The following RSBN1L variants were observed in gnomAD, a reference collection of about 807,000 sequenced individuals.
RSBN1L encodes round spermatid basic protein 1 like.
RSBN1L carries 30 observed loss-of-function variants against 67.7 expected under a neutral mutation model. The observed-to-expected ratio is 0.44, with a 90% confidence interval of 0.33 to 0.60. RSBN1L has a LOEUF of 0.60. Among genes scored for constraint, RSBN1L ranks in the 20% least tolerant of loss-of-function variants. The pLI, the probability that RSBN1L is intolerant of heterozygous loss-of-function variation, is 0.02. For missense variants in RSBN1L, 992 were observed against 1,031.7 expected (o/e 0.96, Z 0.53); for synonymous variants, 433 against 387.0 (o/e 1.12, Z -1.39).
At chr7:77,706,120 A>AT (rs1790888214) in intron 1 of RSBN1L, among the ~76,000 whole-genome samples, 1 of 149,900 alleles carries the variant, frequency 6.7e-6, no homozygotes, top group African/African-American at 2.5e-5. Context: ...TTTGTCGCCC[A>AT]TGGTGGAGTG....
At chr7:77,744,466 C>A (rs569899394) in intron 2 of RSBN1L, among the ~76,000 whole-genome samples, 2 of 152,216 alleles carry the variant, frequency 1.3e-5, no homozygotes, top group East Asian at 3.9e-4. Flanking sequence ...TGTGTCTTAG[C>A]TGCTTAGAGA....
At chr7:77,756,612 T>TA (rs566014788) in intron 3 of RSBN1L, among the ~76,000 whole-genome samples, 67 of 151,524 alleles carry the variant, frequency 4.4e-4, no homozygotes, top group African/African-American at 6.0e-4. Flanking sequence ...CCGTTTCTAA[T>TA]AAAAAAAATA....
intron 1 of RSBN1L, among the ~76,000 whole-genome samples, chr7:77,702,881 A>G (rs1396004283): frequency 6.6e-6 from 1 of 152,038 alleles, no homozygotes; most frequent in African/African-American, 2.4e-5. Context: ...TTATAAAGCT[A>G]CCAATTTTAT....
chr7:77,752,687 T>TA (rs1259210147), intron 3 of RSBN1L, among the ~76,000 whole-genome samples: 1 of 152,218 alleles, frequency 6.6e-6, no homozygotes, highest in Non-Finnish European at 1.5e-5. Flanking sequence ...ATACATATTA[T>TA]AAATGTATAA....
At chr7:77,703,087 G>A (rs77513481) in intron 1 of RSBN1L, among the ~76,000 whole-genome samples, 2,942 of 152,228 alleles carry the variant, frequency 0.019, 84 homozygotes, top group African/African-American at 0.066. Flanking sequence ...GGGGAAGAAA[G>A]CTACAAGTCT....
intron 6 of RSBN1L, among the ~76,000 whole-genome samples, chr7:77,775,276 A>AGTAATCCCAGGTGCGGTGGCTCACAACT (rs1352798892): frequency 6.6e-6 from 1 of 152,092 alleles, no homozygotes; most frequent in African/African-American, 2.4e-5. Flanking sequence ...GGCTCATGCT[A>AGTAATCCCAGGTGCGGTGGCTCACAACT]GTAATCCCAG....
In RSBN1L at chr7:77,780,460, A is replaced by T. The variant is rs1244431384; in HGVS notation, c.*1292A>T. The T allele has an allele frequency of 1.3e-5, 2 of 152,144 alleles. No individual in the cohort carries two copies. Among genetic ancestry groups the T allele is most frequent in the Non-Finnish European group, 2.9e-5 (2 of 68,016 alleles). The allele number at this position is 152,144 out of a possible 1,614,324, so 9.4% of individuals were successfully genotyped here. On this transcript the variant is annotated 3_prime_UTR_variant, in exon 8 of 8. Transcript: ENST00000334955. ...ATAGATTTTTTTTATTGTGTATGGGATGATAAGAAGTTTAGAGAATTTTCT... is the reference window on the plus strand; with the variant it reads ...ATAGATTTTTTTTATTGTGTATGGGTTGATAAGAAGTTTAGAGAATTTTCT...
At chr7:77,767,033 T>TTTCCCCTTCCCTTCCCCTTCCCCTTCCCC (rs1791775332) in intron 4 of RSBN1L, among the ~76,000 whole-genome samples, 1 of 125,360 alleles carries the variant, frequency 8.0e-6, no homozygotes, top group African/African-American at 3.1e-5. Context: ...TCCCCTTCCC[T>TTTCCCCTTCCCTTCCCCTTCCCCTTCCCC]TTCCCCTTCC....
chr7:77,706,184 C>T (rs1790889320), intron 1 of RSBN1L, among the ~76,000 whole-genome samples: 2 of 151,670 alleles, frequency 1.3e-5, no homozygotes, highest in African/African-American at 4.8e-5. Context: ...TCAAGCGATT[C>T]TCCTGCCTCG....
chr7:77,742,814 G>T (rs190883419), intron 2 of RSBN1L, among the ~76,000 whole-genome samples: 66 of 152,268 alleles, frequency 4.3e-4, no homozygotes, highest in Non-Finnish European at 8.4e-4. Context: ...CTGCACCCTG[G>T]GCGACAGAGT....
intron 1 of RSBN1L, among the ~76,000 whole-genome samples, chr7:77,707,234 G>T (rs1046873121): frequency 2.0e-5 from 3 of 152,074 alleles, no homozygotes; most frequent in Non-Finnish European, 4.4e-5. Flanking sequence ...ATGTTGACCA[G>T]ACTGGTCTTG....
intron 2 of RSBN1L, among the ~76,000 whole-genome samples, chr7:77,747,109 C>T (rs1791494605): frequency 6.6e-6 from 1 of 152,174 alleles, no homozygotes; most frequent in Non-Finnish European, 1.5e-5. Flanking sequence ...CTGCAGTACC[C>T]TGGTGGAGAC....
rs1336965192 is a variant in RSBN1L at position 77,779,218 on chromosome 7, A to G, written c.*50A>G. 1 of 1,291,312 alleles carries G rather than the reference A, an allele frequency of 7.7e-7. No homozygotes were observed. The highest frequency in any genetic ancestry group is 1.1e-6 in the Non-Finnish European group (1 of 941,292). 80.0% of individuals were successfully genotyped at this position (1,291,312 alleles called of 1,614,324 possible). On this transcript the variant is annotated 3_prime_UTR_variant, in exon 8 of 8. Coordinates refer to ENST00000334955, the MANE Select transcript of RSBN1L (RefSeq NM_198467.3). ...TTTTTTAAAAAAATTTAATGTAATA[A>G]AGATTCATGAATTCTGAAAGCAAGC...
intron 3 of RSBN1L, 140 bp from the exon 4 acceptor site, chr7:77,765,355 T>C: frequency 1.5e-6 from 1 of 664,842 alleles, no homozygotes; most frequent in South Asian, 4.4e-5. Context: ...CTTGCCTCAT[T>C]ATGATATAAT....
intron 1 of RSBN1L, 22 bp downstream of exon 1, chr7:77,697,077 G>A (rs769064723): frequency 4.5e-5 from 62 of 1,378,612 alleles, no homozygotes; most frequent in Middle Eastern, 2.7e-4. Context: ...GCGGGGAGGG[G>A]GAGGGGAGGG....
At chr7:77,738,747 AG>A (rs1233472379) in intron 2 of RSBN1L, among the ~76,000 whole-genome samples, 1 of 152,176 alleles carries the variant, frequency 6.6e-6, no homozygotes, top group Non-Finnish European at 1.5e-5. Flanking sequence ...CAAGAGTTCA[AG>A]ACCAGCCTGG....
rs995980188 is a variant in RSBN1L, at chr7:77,780,004, G to C, written c.*836G>C. 3 of 151,752 alleles carry C rather than the reference G, an allele frequency of 2.0e-5. No individual in the cohort carries two copies. Among genetic ancestry groups the C allele is most frequent in the Admixed American group, 6.6e-5 (1 of 15,204 alleles). The allele number at this position is 151,752 out of a possible 1,614,324, so 9.4% of individuals were successfully genotyped here. On this transcript the variant is annotated 3_prime_UTR_variant, in exon 8 of 8. Coordinates refer to ENST00000334955, the MANE Select transcript of RSBN1L (RefSeq NM_198467.3). ...GCACCACAACACCCAGCTAATTTTT[G>C]TATTTTTAGTAGAGATGGGGTTTCA...
chr7:77,702,817 G>A (rs915245364), intron 1 of RSBN1L, among the ~76,000 whole-genome samples: 2 of 152,268 alleles, frequency 1.3e-5, no homozygotes, highest in South Asian at 2.1e-4. Context: ...CCTTCTTCCT[G>A]TGTGCTCACA....
chr7:77,778,908 A>G lies in RSBN1L; in HGVS notation c.2281A>G (p.Arg761Gly), dbSNP rs374495288. ...QIKHEPIASV[R>G]IKEEPVNVNI... Reference sequence around the variant, plus strand: ...TAAACATGAACCTATTGCATCTGTAAGAATCAAGGAAGAACCTGTGAATGT... The same window carrying G: ...TAAACATGAACCTATTGCATCTGTAGGAATCAAGGAAGAACCTGTGAATGT... Residue 761 changes from arginine (R) to glycine (G), a missense_variant, in exon 8 of 8, where the codon AGA becomes GGA. Coordinates refer to ENST00000334955, the MANE Select transcript of RSBN1L (RefSeq NM_198467.3). 2.3e-5 allele frequency: 37 copies of G among 1,614,034 alleles called. No individual in the cohort carries two copies. Among genetic ancestry groups the G allele is most frequent in the Non-Finnish European group, 2.9e-5 (34 of 1,179,918 alleles).
Sources: gnomAD v4.1 joint callset for allele counts (sites outside exome capture counted in the v4.1 genomes callset) on GRCh38, gnomAD v4.1.1 for gene constraint, MANE v1.5 for transcripts, NCBI Gene and HGNC (gene_info 2026-07-23, HGNC 2026-07-21) for gene names.